CLEC16A: variants seen among roughly 807,000 people sequenced by gnomAD.
CLEC16A encodes the protein C-type lectin domain containing 16A.
In CLEC16A, 51 loss-of-function variants were observed where a neutral mutation model predicts 109.5. The observed-to-expected ratio is 0.47, with a 90% confidence interval of 0.37 to 0.59. CLEC16A has a LOEUF of 0.59. Ranked by LOEUF, CLEC16A falls within the 20% of genes least tolerant of loss-of-function variation. CLEC16A has a pLI of 0.00. For synonymous variants in CLEC16A, 673 were observed against 564.2 expected (o/e 1.19, Z -2.73); for missense variants, 1,339 against 1,394.0 (o/e 0.96, Z 0.63).
intron 14 of CLEC16A, chr16:11,041,322 TAGAGCTCTCTTGGTCTTGAC>T (rs1400341545): frequency 6.6e-6 from 1 of 152,282 alleles, no homozygotes; most frequent in African/African-American, 2.4e-5. Context: ...TAAGCTGTGT[TAGAGCTCTCTTGGTCTTGAC>T]AGAAACCCGA....
chr16:10,985,220 A>AAT lies in CLEC16A; in HGVS notation c.1071+2245_1071+2246dup, dbSNP rs57265284. 8.6e-3 allele frequency among the ~76,000 whole-genome samples: 898 copies of AAT among 103,998 alleles called. 21 individuals carry two copies. Among genetic ancestry groups the AAT allele is most frequent in the African/African-American group, 0.027 (587 of 21,848 alleles). 68.2% of individuals were successfully genotyped at this position (103,998 alleles called of 152,430 possible). ...TCCATCTCAAAAAAAAAAAAAAAAA[A>AAT]ATATATATATATATATAGTGCCCAT... On this transcript the variant is annotated intron_variant, in intron 10 of 23. Transcript: ENST00000409790.
At chr16:11,016,899 G>C (rs189814565) in intron 11 of CLEC16A, among the ~76,000 whole-genome samples, 1 of 151,788 alleles carries the variant, frequency 6.6e-6, no homozygotes, top group East Asian at 1.9e-4. Context: ...CGCCCTGTGG[G>C]AGACTCTGAT....
At chr16:11,127,844 T>C in intron 22 of CLEC16A, among the ~76,000 whole-genome samples, 1 of 152,150 alleles carries the variant, frequency 6.6e-6, no homozygotes, top group Admixed American at 6.5e-5. Flanking sequence ...CCCTCCAGCC[T>C]GGGCAACAGA....
intron 22 of CLEC16A, among the ~76,000 whole-genome samples, chr16:11,132,234 AC>A (rs71406209): frequency 8.5e-5 from 6 of 70,606 alleles, no homozygotes; most frequent in African/African-American, 2.1e-4. Context: ...TCGCCCACCC[AC>A]CCCCCCCGCC....
intron 7 of CLEC16A, among the ~76,000 whole-genome samples, chr16:10,975,669 A>G (rs1176494665): frequency 1.3e-5 from 2 of 151,858 alleles, no homozygotes; most frequent in African/African-American, 2.4e-5. Flanking sequence ...CTTTTTTGAG[A>G]TGGAGTCTTG....
In CLEC16A at chr16:11,167,310, C is replaced by T. The variant is rs75825250; in HGVS notation, c.2806+758C>T. On this transcript the variant is annotated intron_variant, in intron 23 of 23. Coordinates refer to ENST00000409790, the MANE Select transcript of CLEC16A (RefSeq NM_015226.3). ...GTTCTGTGCCCCAGCAGCATCCCCC[C>T]GCCATGGGTCGGGGGGTCACACCAA... Among the ~76,000 whole-genome samples, 1,216 of 152,258 alleles carry T rather than the reference C, an allele frequency of 8.0e-3. 11 individuals carry two copies. The highest frequency in any genetic ancestry group is 0.027 in the Middle Eastern group (8 of 294).
intron 19 of CLEC16A, among the ~76,000 whole-genome samples, chr16:11,079,736 T>G (rs1317605969): frequency 1.3e-5 from 2 of 152,218 alleles, no homozygotes; most frequent in Non-Finnish European, 2.9e-5. Flanking sequence ...CGGTTAACCT[T>G]TAGCCTTTAA....
At chr16:11,172,059 C>T (rs2068537592) in intron 23 of CLEC16A, among the ~76,000 whole-genome samples, 1 of 152,112 alleles carries the variant, frequency 6.6e-6, no homozygotes, top group African/African-American at 2.4e-5. Context: ...CACATACATG[C>T]ACACAGTCAC....
intron 22 of CLEC16A, chr16:11,156,576 CT>C: frequency 7.7e-7 from 1 of 1,304,046 alleles, no homozygotes; most frequent in Non-Finnish European, 1.0e-6. Context: ...CGTTTCAGCC[CT>C]GCTGACTGCC....
chr16:11,166,421 G>C lies in CLEC16A; in HGVS notation c.2675G>C (p.Ser892Thr), dbSNP rs72650687. 34 of 1,605,750 alleles carry C rather than the reference G, an allele frequency of 2.1e-5. No homozygotes were observed. Among genetic ancestry groups the C allele is most frequent in the Non-Finnish European group, 2.7e-5 (32 of 1,179,652 alleles). ...GTGGCCCAGTGCATAAACCAGCACA[G>C]CTCCCCGTCCCTGTCCTCACAGTCG... ...FAVAQCINQH[S>T]SPSLSSQSPP... Residue 892 changes from serine (S) to threonine (T), a missense_variant, in exon 23 of 24, where the codon AGC (serine) becomes ACC (threonine). Transcript: ENST00000409790.
At position 11,164,769 on chromosome 16, in the gene CLEC16A, G is replaced by A. The variant is rs549227678; in HGVS notation, c.2642-1619G>A. Among the ~76,000 whole-genome samples, 47 of 152,350 alleles carry A rather than the reference G, an allele frequency of 3.1e-4. No individual in the cohort carries two copies. In the South Asian group the frequency reaches 9.1e-3, roughly 30 times the overall value. On this transcript the variant is annotated intron_variant, in intron 22 of 23. Coordinates refer to ENST00000409790, the MANE Select transcript of CLEC16A (RefSeq NM_015226.3). ...GTTCCAGTAAAACTTTACTTACCAA[G>A]CAGGCAGCAGGTTGCAGGATGCCAA...
chr16:11,072,244 G>A (rs2049115940), intron 19 of CLEC16A, among the ~76,000 whole-genome samples: 2 of 151,818 alleles, frequency 1.3e-5, no homozygotes, highest in Non-Finnish European at 2.9e-5. Flanking sequence ...ACCTCAGCCT[G>A]TAGTATCTGG....
chr16:11,100,693 G>A (rs1335694843), intron 19 of CLEC16A, among the ~76,000 whole-genome samples: 1 of 152,134 alleles, frequency 6.6e-6, no homozygotes, highest in Non-Finnish European at 1.5e-5. Flanking sequence ...TGCAGATAAT[G>A]GTACTGCCTG....
At chr16:11,079,750 G>A (rs1281964750) in intron 19 of CLEC16A, among the ~76,000 whole-genome samples, 1 of 152,146 alleles carries the variant, frequency 6.6e-6, no homozygotes, top group African/African-American at 2.4e-5. Flanking sequence ...CCTTTAACTG[G>A]TTTCTCATAA....
intron 19 of CLEC16A, among the ~76,000 whole-genome samples, chr16:11,069,460 G>T (rs2048942960): frequency 6.6e-6 from 1 of 151,572 alleles, no homozygotes; most frequent in African/African-American, 2.4e-5. Context: ...TTTTATACAA[G>T]GTCTCGCTCT....
chr16:11,159,426 T>C (rs2054642580), intron 22 of CLEC16A, among the ~76,000 whole-genome samples: 1 of 152,234 alleles, frequency 6.6e-6, no homozygotes. Flanking sequence ...CCTGTCTGAT[T>C]TTCAAAAGTA....
chr16:11,018,713 C>T (rs985753787), intron 11 of CLEC16A, among the ~76,000 whole-genome samples: 11 of 140,394 alleles, frequency 7.8e-5, no homozygotes, highest in African/African-American at 2.8e-4. Flanking sequence ...CATGCTACTG[C>T]ACTCCAGCCT....
At chr16:11,021,131 GC>G (rs1191099385) in intron 12 of CLEC16A, among the ~76,000 whole-genome samples, 4 of 152,162 alleles carry the variant, frequency 2.6e-5, no homozygotes, top group Non-Finnish European at 5.9e-5. Context: ...AATACACACG[GC>G]CCCCCATCCT....
chr16:11,024,229 A>T (rs1363876453), intron 12 of CLEC16A: 3 of 152,916 alleles, frequency 2.0e-5, no homozygotes, highest in Non-Finnish European at 4.4e-5. Flanking sequence ...TTCAGTCTTC[A>T]TTGCGCTTGA....
Sources: gnomAD v4.1 joint callset for allele counts (sites outside exome capture counted in the v4.1 genomes callset) on GRCh38, gnomAD v4.1.1 for gene constraint, MANE v1.5 for transcripts, NCBI Gene and HGNC (gene_info 2026-07-23, HGNC 2026-07-21) for gene names.